The following ZNF7 variants were observed in gnomAD, a reference collection of about 807,000 sequenced individuals.
ZNF7 encodes zinc finger protein 7, also known as C2-H2 type zinc finger protein.
A neutral mutation model predicts 12.0 loss-of-function variants in ZNF7; 10 were observed. That is an observed-to-expected ratio of 0.83 (90% CI 0.51 to 1.42). The LOEUF is 1.42. ZNF7 is among the 40% of genes most tolerant of loss of function. ZNF7 has a pLI of 0.00. For missense variants in ZNF7, 854 were observed against 837.2 expected, an observed-to-expected ratio of 1.02 and a Z score of -0.25; for synonymous variants, 334 against 295.0, an observed-to-expected ratio of 1.13 and a Z score of -1.35.
intron 1 of ZNF7, among the ~76,000 whole-genome samples, chr8:144,828,490 G>C (rs982646873): frequency 6.6e-6 from 1 of 151,922 alleles, no homozygotes; most frequent in Non-Finnish European, 1.5e-5. Flanking sequence ...TTGCTGCCGG[G>C]AATTTACCCA....
At chr8:144,835,069 T>C (rs1477769134) in intron 3 of ZNF7, 1 of 151,892 alleles carries the variant, frequency 6.6e-6, no homozygotes, top group Non-Finnish European at 1.5e-5. Context: ...ATTGTCCTTA[T>C]GTAATTTTGA....
intron 3 of ZNF7, among the ~76,000 whole-genome samples, chr8:144,832,313 A>C (rs2722477): frequency 1 from 94,907 of 94,910 alleles, 47,452 homozygotes; most frequent in Non-Finnish European, 1. Context: ...GTCCCAGCTA[A>C]TTGGGAGGCT....
rs1830213305 is a variant in ZNF7, at chr8:144,843,283, T to G, written c.*115T>G. ...GTAGAATGTTGGTAAAGGTTCAGAA[T>G]TGCTCTCAAGAATATCCAACTTCAG... On this transcript the variant is annotated 3_prime_UTR_variant, in exon 5 of 5. Transcript: ENST00000532777. 21 of 1,316,832 alleles carry G rather than the reference T, an allele frequency of 1.6e-5. No homozygotes were observed. The South Asian group carries it at 3.1e-4, about 19-fold the overall frequency. The allele number at this position is 1,316,832 out of a possible 1,614,324, so 81.6% of individuals were successfully genotyped here.
rs892455495 is a variant in ZNF7 at position 144,843,458 on chromosome 8, G to C, written c.*290G>C. The C allele has an allele frequency of 1.1e-4, 26 of 242,116 alleles. No homozygotes were observed. Among genetic ancestry groups the C allele is most frequent in the East Asian group, 2.7e-4 (3 of 11,248 alleles). The allele number at this position is 242,116 out of a possible 1,614,324, so 15.0% of individuals were successfully genotyped here. On this transcript the variant is annotated 3_prime_UTR_variant, in exon 5 of 5. Transcript: ENST00000532777. ...AAAAATTTAGCTGGGCGTGGTGGCA[G>C]GCACCTGTGGTCCCAGCTGCTCGGG...
At chr8:144,847,124 A>C (rs1172305155), downstream of ZNF7, 1 of 152,244 alleles carries the variant, frequency 6.6e-6, no homozygotes, top group Non-Finnish European at 1.5e-5. Flanking sequence ...TTGAGATCTG[A>C]GTATCACATG....
rs1830072703 is a variant in ZNF7 at position 144,842,511 on chromosome 8, A to G, written c.1404A>G (p.Pro468=). ...RHQRTHTGEK[P]FKCDECGKGF... is the part of the protein sequence containing the mutation. ...AGAGAACTCACACTGGAGAAAAACCATTTAAATGTGATGAGTGTGGCAAAG... is the reference window on the plus strand; with the variant it reads ...AGAGAACTCACACTGGAGAAAAACCGTTTAAATGTGATGAGTGTGGCAAAG... The change falls in exon 5 of 5, where the codon CCA becomes CCG. Residue 468 remains proline (P), a synonymous_variant. Transcript: ENST00000532777. The G allele has an allele frequency of 6.2e-7, 1 of 1,613,940 alleles. No homozygotes were observed. Among genetic ancestry groups the G allele is most frequent in the East Asian group, 2.2e-5 (1 of 44,870 alleles).
At chr8:144,834,434 T>G (rs1246133785) in intron 3 of ZNF7, 1 of 152,234 alleles carries the variant, frequency 6.6e-6, no homozygotes. Context: ...GCATGTTGTG[T>G]TCCTGATTTT....
intron 4 of ZNF7, chr8:144,838,815 G>C (rs563094800): frequency 6.7e-6 from 1 of 150,284 alleles, no homozygotes; most frequent in East Asian, 2.0e-4. Context: ...GGTGGCAGGC[G>C]CCTGTAGTCC....
intron 3 of ZNF7, chr8:144,834,029 G>C (rs539201327): frequency 6.6e-6 from 1 of 151,998 alleles, no homozygotes; most frequent in Non-Finnish European, 1.5e-5. Flanking sequence ...CGTCTGCCTC[G>C]ACCTCCCAAA....
intron 4 of ZNF7, among the ~76,000 whole-genome samples, chr8:144,840,656 TG>T (rs1829770128): frequency 6.6e-6 from 1 of 152,112 alleles, no homozygotes; most frequent in Non-Finnish European, 1.5e-5. Flanking sequence ...CGCAGATGTC[TG>T]GAAGGCCTCC....
chr8:144,840,162 G>A (rs1829690198), intron 4 of ZNF7, among the ~76,000 whole-genome samples: 1 of 152,238 alleles, frequency 6.6e-6, no homozygotes, highest in African/African-American at 2.4e-5. Flanking sequence ...AAGCCCTGTT[G>A]AAAGAGCAGG....
At position 144,840,112 on chromosome 8, in the gene ZNF7, T is replaced by C. The variant is rs945890382; in HGVS notation, c.248-1243T>C. On this transcript the variant is annotated intron_variant, in intron 4 of 4. Transcript: ENST00000532777. ...ACTGCACCTGGCCACCCTGCTCTCT[T>C]ATCTTCACAGCAGGGGAAGGCTTGG... 2.6e-5 allele frequency among the ~76,000 whole-genome samples: 4 copies of C among 152,184 alleles called. No homozygotes were observed. In the South Asian group the frequency reaches 6.2e-4, roughly 24 times the overall value.
Position 144,842,820 on chromosome 8 carries a change from C to T in ZNF7, c.1713C>T (p.His571=), listed in dbSNP as rs1375311134. The part of the protein sequence containing the change: ...AFSQNSTLFQ[H]QIIHAGVKPY... ...GTCAAAACTCAACCCTTTTCCAACA[C>T]CAGATAATTCATGCAGGGGTGAAGC... Residue 571 remains histidine, a synonymous_variant, in exon 5 of 5, where the codon CAC becomes CAT. Transcript: ENST00000532777. The T allele has an allele frequency of 1.9e-6, 3 of 1,614,076 alleles. No individual in the cohort carries two copies. Among genetic ancestry groups the T allele is most frequent in the African/African-American group, 2.7e-5 (2 of 74,930 alleles).
intron 1 of ZNF7, 106 bp downstream of exon 1, chr8:144,827,715 G>A: frequency 1.0e-5 from 10 of 977,730 alleles, no homozygotes; most frequent in Non-Finnish European, 1.2e-5. Flanking sequence ...CGCGTCCCCC[G>A]GGCCTCCAGG....
At chr8:144,838,329 G>A (rs566700446) in intron 4 of ZNF7, 1 of 575,712 alleles carries the variant, frequency 1.7e-6, no homozygotes. Context: ...CACATTCTGA[G>A]GTGCTTCAAG....
chr8:144,842,028 A>G lies in ZNF7; in HGVS notation c.921A>G (p.Arg307=), dbSNP rs1377608943. ...QRIHTGEKPY[R]CEECGKAFGQ... Reference sequence around the variant, plus strand: ...TCCACACTGGGGAGAAGCCCTACAGATGTGAGGAATGTGGAAAAGCTTTTG... The same window carrying G: ...TCCACACTGGGGAGAAGCCCTACAGGTGTGAGGAATGTGGAAAAGCTTTTG... Residue 307 remains arginine (R), a synonymous_variant, in exon 5 of 5, where the codon AGA becomes AGG. Coordinates refer to ENST00000532777, the MANE Select transcript of ZNF7 (RefSeq NM_003416.4). 1 of 1,613,974 alleles carries G rather than the reference A, an allele frequency of 6.2e-7. No individual in the cohort carries two copies. The highest frequency in any genetic ancestry group is 1.7e-5 in the Admixed American group (1 of 60,008).
intron 3 of ZNF7, among the ~76,000 whole-genome samples, chr8:144,831,257 A>T (rs1395322604): frequency 6.6e-6 from 1 of 152,182 alleles, no homozygotes; most frequent in Non-Finnish European, 1.5e-5. Context: ...CTGTCTATTT[A>T]TAACGTCCTG....
chr8:144,841,830 A>T lies in ZNF7; in HGVS notation c.723A>T (p.Thr241=). The change falls in exon 5 of 5, where the codon ACA becomes ACT. Residue 241 remains threonine (T), a synonymous_variant. Coordinates refer to ENST00000532777, the MANE Select transcript of ZNF7 (RefSeq NM_003416.4). ...CTGACTGCTTGCAGGGGAAACATAC[A>T]AATAACTGCCATGGAGAGAAGCCGT... is the stretch of plus-strand genomic sequence containing the variant. The part of the protein sequence containing the change: ...KLSDCLQGKH[T]NNCHGEKPYE... 1.9e-6 allele frequency: 3 copies of T among 1,614,240 alleles called. No individual in the cohort carries two copies. Among genetic ancestry groups the T allele is most frequent in the Non-Finnish European group, 2.5e-6 (3 of 1,180,054 alleles).
chr8:144,829,583 C>A lies in ZNF7; in HGVS notation c.109C>A (p.His37Asn). The A allele has an allele frequency of 1.2e-6, 2 of 1,612,904 alleles. No homozygotes were observed. Among genetic ancestry groups the A allele is most frequent in the Non-Finnish European group, 1.7e-6 (2 of 1,179,094 alleles). The change falls in exon 3 of 5, where the codon CAC becomes AAC. Residue 37 changes from histidine to asparagine, a missense_variant. His to Asn is a moderately conservative substitution (Grantham distance 68). Coordinates refer to ENST00000532777, the MANE Select transcript of ZNF7 (RefSeq NM_003416.4). ...CTACAGGGAAGTGATGCTGGAGAACCACAGCAGTGTGGCTGGACTAGGTGA... is the reference window on the plus strand; with the variant it reads ...CTACAGGGAAGTGATGCTGGAGAACAACAGCAGTGTGGCTGGACTAGGTGA... ...ALYREVMLEN[H>N]SSVAGLAGFL...
Sources: gnomAD v4.1 joint callset for allele counts (sites outside exome capture counted in the v4.1 genomes callset) on GRCh38, gnomAD v4.1.1 for gene constraint, MANE v1.5 for transcripts, NCBI Gene and HGNC (gene_info 2026-07-23, HGNC 2026-07-21) for gene names.